The following NPAS1 variants were observed in gnomAD, a reference collection of about 807,000 sequenced individuals.
NPAS1 encodes the protein neuronal PAS domain-containing protein 1.
NPAS1 carries 29 observed loss-of-function variants against 49.2 expected under a neutral mutation model. The ratio of observed to expected loss-of-function variants is 0.59; its 90% CI spans 0.44 to 0.80. The LOEUF (loss-of-function observed/expected upper bound fraction) is 0.80, where lower values mean the gene tolerates loss of function less well. NPAS1 is among the 30% of genes least tolerant of loss of function. The probability of loss-of-function intolerance (pLI) is 0.00; values close to 1 mark genes in which losing one functional copy is unlikely to be tolerated. For synonymous variants in NPAS1, 408 were observed against 380.4 expected, an observed-to-expected ratio of 1.07 and a Z score of -0.84; for missense variants, 825 against 835.5, an observed-to-expected ratio of 0.99 and a Z score of 0.15.
chr19:47,045,589 C>A lies in NPAS1; in HGVS notation c.1711C>A (p.Pro571Thr). Reference protein sequence around the residue: ...PGPALPEAFYPPLGLPYPGPA... With the variant: ...PGPALPEAFYTPLGLPYPGPA... ...CCCCGCGCTCCCGGAGGCCTTTTAC[C>A]CGCCCCTGGGCCTGCCCTACCCGGG... Residue 571 changes from proline (P) to threonine (T), a missense_variant, in exon 12 of 12, where the codon CCG (proline) becomes ACG (threonine). Coordinates refer to ENST00000602212, the MANE Select transcript of NPAS1 (RefSeq NM_002517.4). 1 of 1,482,290 alleles carries A rather than the reference C, an allele frequency of 6.7e-7. No individual in the cohort carries two copies. The highest frequency in any genetic ancestry group is 8.9e-7 in the Non-Finnish European group (1 of 1,126,768). 91.8% of individuals were successfully genotyped at this position (1,482,290 alleles called of 1,614,324 possible). A position where few individuals can be genotyped will look rare whatever the true frequency, so the allele number is the denominator to read the frequency against.
rs952621523 is a variant in NPAS1, at chr19:47,042,153, A to G, written c.1218-657A>G. Among the ~76,000 whole-genome samples, 5 of 152,012 alleles carry G rather than the reference A, an allele frequency of 3.3e-5. No individual in the cohort carries two copies. In the South Asian group the frequency reaches 1.0e-3, roughly 31 times the overall value. On this transcript the variant is annotated intron_variant, in intron 10 of 11. Coordinates refer to ENST00000602212, the MANE Select transcript of NPAS1 (RefSeq NM_002517.4). ...AAACCTCATCTCTACTAAAAATTTAAAAAAAATTAGCTGGGCATAGTGGTG... is the reference window on the plus strand; with the variant it reads ...AAACCTCATCTCTACTAAAAATTTAGAAAAAATTAGCTGGGCATAGTGGTG...
chr19:47,035,721 C>T (rs568974877), intron 5 of NPAS1: 18 of 464,828 alleles, frequency 3.9e-5, no homozygotes, highest in Non-Finnish European at 6.4e-5. Context: ...CCACACACAG[C>T]CCCTTAATAG....
At chr19:47,020,666 G>A (rs1435553502) in intron 1 of NPAS1, among the ~76,000 whole-genome samples, 1 of 151,700 alleles carries the variant, frequency 6.6e-6, no homozygotes, top group Non-Finnish European at 1.5e-5. Context: ...CCCCCCGCCC[G>A]GCTTGGGCAT....
At chr19:47,036,653 C>T (rs905846200) in intron 6 of NPAS1, among the ~76,000 whole-genome samples, 1 of 150,892 alleles carries the variant, frequency 6.6e-6, no homozygotes, top group Non-Finnish European at 1.5e-5. Context: ...GGGTGGGTCA[C>T]CTAAAGTCAG....
At chr19:47,037,144 G>A (rs2056964854) in intron 6 of NPAS1, among the ~76,000 whole-genome samples, 1 of 151,494 alleles carries the variant, frequency 6.6e-6, no homozygotes, top group African/African-American at 2.4e-5. Flanking sequence ...CTGAGGTCGG[G>A]AGTTCGAGAC....
intron 3 of NPAS1, among the ~76,000 whole-genome samples, chr19:47,023,004 G>A (rs962370607): frequency 1.3e-5 from 2 of 152,246 alleles, no homozygotes; most frequent in Middle Eastern, 3.2e-3. Flanking sequence ...CAGGAGAAGA[G>A]GGTGTCCTTA....
chr19:47,039,801 G>A (rs371374328), intron 8 of NPAS1, among the ~76,000 whole-genome samples: 201 of 151,348 alleles, frequency 1.3e-3, no homozygotes, highest in African/African-American at 4.7e-3. Flanking sequence ...TCTTGGGTCC[G>A]GGCCCTCCTT....
intron 11 of NPAS1, among the ~76,000 whole-genome samples, chr19:47,043,882 T>C (rs1031385978): frequency 4.6e-5 from 7 of 151,500 alleles, no homozygotes; most frequent in Non-Finnish European, 7.4e-5. Context: ...CTGGGCAACA[T>C]AGTGAGACCC....
In NPAS1 at chr19:47,045,540, G is replaced by A. The variant is rs61745667; in HGVS notation, c.1662G>A (p.Pro554=). The A allele has an allele frequency of 6.5e-7, 1 of 1,527,390 alleles. No individual in the cohort carries two copies. The highest frequency in any genetic ancestry group is 2.5e-5 in the East Asian group (1 of 40,356). 94.6% of individuals were successfully genotyped at this position (1,527,390 alleles called of 1,614,324 possible). Reference sequence around the variant, plus strand: ...CCGCGGAGCTGGGCCTGGTGTACCCGCACCTGCAGAGGCTGGGTCCGGGCC... The same window carrying A: ...CCGCGGAGCTGGGCCTGGTGTACCCACACCTGCAGAGGCTGGGTCCGGGCC... ...YGPAELGLVY[P]HLQRLGPGPA... is the part of the protein sequence containing the mutation. Residue 554 remains proline (P), a synonymous_variant, in exon 12 of 12, where the codon CCG becomes CCA. Transcript: ENST00000602212.
chr19:47,036,018 G>A lies in NPAS1; in HGVS notation c.577G>A (p.Glu193Lys). The stretch of plus-strand genomic sequence containing the variant: ...CTACATTCACCCTGGGGACCACTCA[G>A]AGGTGCTGGAGCAACTGGGGCTGCG... ...FDYIHPGDHS[E>K]VLEQLGLRTP... The change falls in exon 6 of 12, where the codon GAG (glutamate) becomes AAG (lysine). Residue 193 changes from glutamate (E) to lysine (K), a missense_variant. By Grantham distance (56) the Glu-to-Lys change is moderately conservative. Transcript: ENST00000602212. 1 of 1,598,822 alleles carries A rather than the reference G, an allele frequency of 6.3e-7. No individual in the cohort carries two copies. Among genetic ancestry groups the A allele is most frequent in the Non-Finnish European group, 8.5e-7 (1 of 1,172,890 alleles).
chr19:47,040,066 A>C (rs1404492197), intron 8 of NPAS1, among the ~76,000 whole-genome samples: 3 of 152,078 alleles, frequency 2.0e-5, no homozygotes, highest in Non-Finnish European at 4.4e-5. Flanking sequence ...TCACTCTGTC[A>C]GGCTGGAGTG....
At chr19:47,027,094 G>A (rs867973984) in intron 3 of NPAS1, among the ~76,000 whole-genome samples, 4 of 152,124 alleles carry the variant, frequency 2.6e-5, no homozygotes, top group Non-Finnish European at 4.4e-5. Flanking sequence ...AAGGTGACCC[G>A]GCACTGCCCC....
In NPAS1 at chr19:47,027,641, C is replaced by CTGTCTGCCCCTGGTCTCCT. The variant is rs1568501621; in HGVS notation, c.359-4637_359-4636insTGTCTGCCCCTGGTCTCCT. 3.9e-3 allele frequency among the ~76,000 whole-genome samples: 78 copies of CTGTCTGCCCCTGGTCTCCT among 19,852 alleles called. 26 individuals carry two copies. Among genetic ancestry groups the CTGTCTGCCCCTGGTCTCCT allele is most frequent in the African/African-American group, 0.015 (66 of 4,364 alleles). 13.0% of individuals were successfully genotyped at this position (19,852 alleles called of 152,430 possible). ...TCCCGTCTCTCTGCCCCTGGTCTCCCGTCTGTCTGCCCCTGGTCTCCCTTC... is the reference window on the plus strand; with the variant it reads ...TCCCGTCTCTCTGCCCCTGGTCTCCCTGTCTGCCCCTGGTCTCCTGTCTGTCTGCCCCTGGTCTCCCTTC... On this transcript the variant is annotated intron_variant, in intron 3 of 11. Transcript: ENST00000602212.
At chr19:47,025,947 TTGTTTTTTTTGAGACAGAGTCTTGCTC>T (rs2056868569) in intron 3 of NPAS1, among the ~76,000 whole-genome samples, 3 of 149,796 alleles carry the variant, frequency 2.0e-5, no homozygotes, top group Admixed American at 2.0e-4. Flanking sequence ...TTTTTGTTTT[TTGTTTTTTTTGAGACAGAGTCTTGCTC>T]TGTCACCCAG....
Position 47,023,975 on chromosome 19 carries a change from T to C in NPAS1, c.358+2128T>C, listed in dbSNP as rs1174723855. On this transcript the variant is annotated intron_variant, in intron 3 of 11. Coordinates refer to ENST00000602212, the MANE Select transcript of NPAS1 (RefSeq NM_002517.4). ...AAAAAATTAGCCGGGCGTGGTGGTG[T>C]GTGCCTGTAGTCCCAGCTACTCCGG... is the stretch of plus-strand genomic sequence containing the variant. 2.0e-5 allele frequency among the ~76,000 whole-genome samples: 3 copies of C among 151,902 alleles called. No individual in the cohort carries two copies. The South Asian group carries it at 6.2e-4, about 31-fold the overall frequency.
At chr19:47,042,768 C>A in intron 10 of NPAS1, 42 bp from the exon 11 acceptor site, 1 of 1,532,086 alleles carries the variant, frequency 6.5e-7, no homozygotes, top group Admixed American at 1.8e-5. Context: ...TCCTGAGAGG[C>A]CAAGGACCCC....
intron 3 of NPAS1, among the ~76,000 whole-genome samples, chr19:47,026,423 G>A (rs1042803489): frequency 2.0e-5 from 3 of 152,212 alleles, no homozygotes; most frequent in Admixed American, 6.5e-5. Flanking sequence ...ACAGTGAGAG[G>A]GGAGCCACAG....
At chr19:47,042,560 G>A (rs778262039) in intron 10 of NPAS1, among the ~76,000 whole-genome samples, 1 of 152,214 alleles carries the variant, frequency 6.6e-6, no homozygotes, top group Non-Finnish European at 1.5e-5. Flanking sequence ...AGGTGCCAGA[G>A]GACACCCAGG....
At chr19:47,022,650 G>C (rs1226826598) in intron 3 of NPAS1, among the ~76,000 whole-genome samples, 1 of 152,208 alleles carries the variant, frequency 6.6e-6, no homozygotes, top group Non-Finnish European at 1.5e-5. Flanking sequence ...TCTCCTGCCT[G>C]TCTGGCACTT....
Sources: allele counts gnomAD v4.1 joint callset (sites outside exome capture counted in the v4.1 genomes callset), GRCh38; gene constraint gnomAD v4.1.1; transcripts MANE v1.5; gene names NCBI Gene and HGNC (gene_info 2026-07-23, HGNC 2026-07-21).